The following RUNDC3B variants were observed in gnomAD, a reference collection of about 807,000 sequenced individuals.
RUNDC3B encodes the protein RUN domain containing 3B.
Under a neutral mutation model 58.4 loss-of-function variants are expected in RUNDC3B, and 33 were observed. That is an observed-to-expected ratio of 0.56 (90% CI 0.43 to 0.75). RUNDC3B has a LOEUF of 0.75. RUNDC3B is among the 30% of genes least tolerant of loss of function. The probability of loss-of-function intolerance (pLI) is 0.00; values close to 1 mark genes in which losing one functional copy is unlikely to be tolerated. For missense variants in RUNDC3B, 501 were observed against 535.7 expected, an observed-to-expected ratio of 0.94 and a Z score of 0.64; for synonymous variants, 193 against 195.2, an observed-to-expected ratio of 0.99 and a Z score of 0.10.
At chr7:87,670,047 A>G (rs1319473388) in intron 2 of RUNDC3B, among the ~76,000 whole-genome samples, 1 of 152,076 alleles carries the variant, frequency 6.6e-6, no homozygotes, top group Admixed American at 6.6e-5. Flanking sequence ...TTCATGGACA[A>G]TTTCCTGAAA....
chr7:87,702,329 A>G (rs537300392), intron 3 of RUNDC3B, among the ~76,000 whole-genome samples: 4 of 151,616 alleles, frequency 2.6e-5, no homozygotes, highest in African/African-American at 9.7e-5. Flanking sequence ...CCCAGGTTGG[A>G]GTACAGTGGT....
chr7:87,806,258 G>A (rs1836427770), intron 8 of RUNDC3B, among the ~76,000 whole-genome samples: 1 of 152,164 alleles, frequency 6.6e-6, no homozygotes, highest in Non-Finnish European at 1.5e-5. Flanking sequence ...AGAGACATAT[G>A]AAATATAGTT....
chr7:87,818,390 G>C (rs1036710752), intron 10 of RUNDC3B, among the ~76,000 whole-genome samples: 5 of 151,998 alleles, frequency 3.3e-5, no homozygotes, highest in East Asian at 1.9e-4. Flanking sequence ...AAGAAAGGAG[G>C]CTGCATGATA....
chr7:87,747,999 G>A (rs574701230), intron 6 of RUNDC3B, among the ~76,000 whole-genome samples: 33 of 152,300 alleles, frequency 2.2e-4, no homozygotes, highest in African/African-American at 7.5e-4. Flanking sequence ...TGGCCAGGAG[G>A]CTTCTCACCT....
chr7:87,822,725 C>T (rs979083195), intron 10 of RUNDC3B, among the ~76,000 whole-genome samples: 1 of 152,142 alleles, frequency 6.6e-6, no homozygotes, highest in Non-Finnish European at 1.5e-5. Context: ...ATTGAGAGTT[C>T]ATGTCCTTTA....
intron 2 of RUNDC3B, among the ~76,000 whole-genome samples, chr7:87,692,766 C>T (rs933709733): frequency 1.3e-5 from 2 of 152,156 alleles, no homozygotes; most frequent in Non-Finnish European, 1.5e-5. Context: ...TTCTGATTTA[C>T]ATTCAATGTT....
intron 8 of RUNDC3B, among the ~76,000 whole-genome samples, chr7:87,796,764 A>T (rs1835843648): frequency 6.6e-6 from 1 of 152,220 alleles, no homozygotes; most frequent in Non-Finnish European, 1.5e-5. Context: ...AGCTGAAGAC[A>T]TTCATTACTA....
chr7:87,761,148 G>A (rs13437826), intron 6 of RUNDC3B, among the ~76,000 whole-genome samples: 14,132 of 151,688 alleles, frequency 0.093, 760 homozygotes, highest in African/African-American at 0.15. Context: ...TAAACAACCC[G>A]ATTTTAAAAT....
In RUNDC3B at chr7:87,807,511, G is replaced by A; in HGVS notation, c.1095G>A (p.Gln365=). 6.2e-7 allele frequency: 1 copy of A among 1,612,302 alleles called. No homozygotes were observed. The highest frequency in any genetic ancestry group is 8.5e-7 in the Non-Finnish European group (1 of 1,178,440). ...TGCTTTACCGAAAACACAATAAACA[G>A]TGGTATGAGTAAGTGTAATACTTTT... ...DTLLYRKHNK[Q]WYEKSYQSLD... is the part of the protein sequence containing the mutation. Residue 365 remains glutamine, a synonymous_variant, in exon 9 of 11, where the codon CAG becomes CAA. Transcript: ENST00000394654.
chr7:87,825,855 G>T (rs372924427), intron 10 of RUNDC3B, among the ~76,000 whole-genome samples: 2 of 152,172 alleles, frequency 1.3e-5, no homozygotes, highest in African/African-American at 4.8e-5. Flanking sequence ...CTTTCTTGGG[G>T]TATGTAGCCC....
intron 4 of RUNDC3B, among the ~76,000 whole-genome samples, chr7:87,739,518 TG>T (rs1163271784): frequency 2.0e-5 from 3 of 152,002 alleles, no homozygotes; most frequent in Non-Finnish European, 4.4e-5. Flanking sequence ...AAGACTCACT[TG>T]GGGGTTTCTT....
chr7:87,702,221 T>C (rs187942681), intron 3 of RUNDC3B, among the ~76,000 whole-genome samples: 45 of 151,524 alleles, frequency 3.0e-4, no homozygotes, highest in African/African-American at 1.1e-3. Context: ...TAGTTATTTT[T>C]CATAAAAATG....
At chr7:87,763,550 T>C (rs1330447575) in intron 6 of RUNDC3B, among the ~76,000 whole-genome samples, 1 of 151,468 alleles carries the variant, frequency 6.6e-6, no homozygotes, top group Non-Finnish European at 1.5e-5. Context: ...ATGACAGGGG[T>C]TTTTTAGTAT....
intron 8 of RUNDC3B, among the ~76,000 whole-genome samples, chr7:87,803,877 A>G (rs1232693521): frequency 6.6e-6 from 1 of 152,134 alleles, no homozygotes; most frequent in Admixed American, 6.5e-5. Flanking sequence ...AAGAATCCAT[A>G]TAAGGCCTCA....
At chr7:87,817,151 T>A (rs745967482) in intron 10 of RUNDC3B, among the ~76,000 whole-genome samples, 8 of 152,218 alleles carry the variant, frequency 5.3e-5, no homozygotes, top group South Asian at 2.1e-4. Context: ...ATTGGCACTA[T>A]AGCCATTATC....
In RUNDC3B at chr7:87,732,812, T is replaced by G. The variant is rs145244834; in HGVS notation, c.459-6979T>G. On this transcript the variant is annotated intron_variant, in intron 4 of 10. Coordinates refer to ENST00000394654, the MANE Select transcript of RUNDC3B (RefSeq NM_001134405.2). ...GTAATTCTTTAACATAACATTTGTA[T>G]GTAGAAGTACAGTACATTTGTATGG... 2.5e-3 allele frequency among the ~76,000 whole-genome samples: 379 copies of G among 152,316 alleles called. 4 individuals carry two copies. The highest frequency in any genetic ancestry group is 4.1e-3 in the Non-Finnish European group (277 of 68,034).
chr7:87,676,373 G>A (rs1585071747), intron 2 of RUNDC3B, among the ~76,000 whole-genome samples: 1 of 151,608 alleles, frequency 6.6e-6, no homozygotes, highest in African/African-American at 2.4e-5. Flanking sequence ...AAGAAACTCA[G>A]TAGAAAACAA....
chr7:87,702,588 T>C (rs1020085281), intron 3 of RUNDC3B, among the ~76,000 whole-genome samples: 14 of 152,276 alleles, frequency 9.2e-5, no homozygotes, highest in African/African-American at 2.6e-4. Flanking sequence ...CTCATTATTT[T>C]TGAATTACCT....
chr7:87,828,021 A>G (rs1352864050), intron 10 of RUNDC3B, among the ~76,000 whole-genome samples: 1 of 152,176 alleles, frequency 6.6e-6, no homozygotes, highest in Non-Finnish European at 1.5e-5. Context: ...AAAGTAAAAT[A>G]TTACAAACAG....
Sources: allele counts gnomAD v4.1 joint callset (sites outside exome capture counted in the v4.1 genomes callset), GRCh38; gene constraint gnomAD v4.1.1; transcripts MANE v1.5; gene names NCBI Gene and HGNC (gene_info 2026-07-23, HGNC 2026-07-21).